Variants in RTKN observed in about 807,000 individuals in gnomAD.
RTKN encodes rhotekin.
Under a neutral mutation model 63.5 loss-of-function variants are expected in RTKN, and 49 were observed. That is an observed-to-expected ratio of 0.77 (90% CI 0.61 to 0.98). RTKN has a LOEUF of 0.98. Among genes scored for constraint, RTKN ranks in the 50% least tolerant of loss-of-function variants. The pLI, the probability that RTKN is intolerant of heterozygous loss-of-function variation, is 0.00. For missense variants in RTKN, 685 were observed against 740.8 expected (o/e 0.92, Z 0.87); for synonymous variants, 295 against 290.4 (o/e 1.02, Z -0.16).
intron 2 of RTKN, 26 bp downstream of exon 2, chr2:74,432,441 C>G: frequency 3.1e-6 from 5 of 1,600,274 alleles, no homozygotes; most frequent in African/African-American, 1.3e-5. Flanking sequence ...CTGCCTCCAT[C>G]GAGGCCTCGT....
chr2:74,430,277 T>C lies in RTKN; in HGVS notation c.520A>G (p.Ile174Val), dbSNP rs1300640282. 2 of 1,613,918 alleles carry C rather than the reference T, an allele frequency of 1.2e-6. No individual in the cohort carries two copies. The highest frequency in any genetic ancestry group is 1.7e-6 in the Non-Finnish European group (2 of 1,179,856). Residue 174 changes from isoleucine to valine, a missense_variant, in exon 5 of 12, where the codon ATC becomes GTC. Physicochemically the swap from Ile to Val is conservative, Grantham distance 29. Coordinates refer to ENST00000272430, the MANE Select transcript of RTKN (RefSeq NM_001015055.2). ...AAGAGCACATTGCTCTGAAAGGAGA[T>C]GTCTGTGAGGGTCCTGTCCACTAGG... The part of the protein sequence containing the change: ...MILVDRTLTD[I>V]SFQSNVLFAE...
chr2:74,435,325 G>C (rs372804728), intron 1 of RTKN, among the ~76,000 whole-genome samples: 1 of 152,230 alleles, frequency 6.6e-6, no homozygotes, highest in South Asian at 2.1e-4. Flanking sequence ...AATGGAAATA[G>C]TCCTAGGGCT....
At chr2:74,433,973 C>T (rs1670911721) in intron 1 of RTKN, among the ~76,000 whole-genome samples, 3 of 152,098 alleles carry the variant, frequency 2.0e-5, no homozygotes, top group Admixed American at 1.3e-4. Context: ...GGTAGTATTG[C>T]ACATACTACC....
chr2:74,432,738 C>T, intron 1 of RTKN, 72 bp from the exon 2 acceptor site: 3 of 1,394,840 alleles, frequency 2.2e-6, no homozygotes, highest in South Asian at 2.4e-5. Context: ...CCCCAGTCCC[C>T]AGGTGGGCTG....
chr2:74,427,402 AC>A (rs1558538558), intron 10 of RTKN, 21 bp downstream of exon 10: 1 of 1,613,630 alleles, frequency 6.2e-7, no homozygotes, highest in East Asian at 2.2e-5. Flanking sequence ...CAAAGGTTCA[AC>A]CCAGCCCCCT....
intron 1 of RTKN, among the ~76,000 whole-genome samples, chr2:74,432,903 G>C (rs570337532): frequency 6.6e-6 from 1 of 152,224 alleles, no homozygotes; most frequent in East Asian, 1.9e-4. Context: ...CTTGAGCCTA[G>C]GAGATCAAGG....
At position 74,430,667 on chromosome 2, in the gene RTKN, T is replaced by C. The variant is rs773885920; in HGVS notation, c.322A>G (p.Ser108Gly). The C allele has an allele frequency of 3.7e-6, 6 of 1,612,438 alleles. No homozygotes were observed. Among genetic ancestry groups the C allele is most frequent in the Non-Finnish European group, 5.1e-6 (6 of 1,179,854 alleles). ...LGKTSRRPSDSGPPAERSPCR... is the reference protein window; with the variant it reads ...LGKTSRRPSDGGPPAERSPCR... ...GGGGAGCGCTCAGCGGGCGGGCCACTGTCAGAAGGCCTGTGGATAAATCAC... is the reference window on the plus strand; with the variant it reads ...GGGGAGCGCTCAGCGGGCGGGCCACCGTCAGAAGGCCTGTGGATAAATCAC... Residue 108 changes from serine (S) to glycine (G), a missense_variant, in exon 3 of 12, where the codon AGT becomes GGT. Transcript: ENST00000272430.
In RTKN at chr2:74,429,890, T is replaced by A; in HGVS notation, c.693A>T (p.Ala231=). Residue 231 remains alanine, a synonymous_variant, in exon 6 of 12, where the codon GCA becomes GCT. Transcript: ENST00000272430. ...CTGAACCCCCAGCACTGTCCAGCGATGCCCGGACACGCCTCCCTGAGGAGC... is the reference window on the plus strand; with the variant it reads ...CTGAACCCCCAGCACTGTCCAGCGAAGCCCGGACACGCCTCCCTGAGGAGC... The part of the protein sequence containing the change: ...LGRSSGRRVR[A]SLDSAGGSGS... 1 of 1,614,160 alleles carries A rather than the reference T, an allele frequency of 6.2e-7. No individual in the cohort carries two copies. Among genetic ancestry groups the A allele is most frequent in the Non-Finnish European group, 8.5e-7 (1 of 1,180,004 alleles).
rs1261470657 is a variant in RTKN at position 74,441,744 on chromosome 2, C to A, written c.73G>T (p.Gly25Cys). 1 of 1,612,010 alleles carries A rather than the reference C, an allele frequency of 6.2e-7. No homozygotes were observed. ...GSALEMEFKR[G>C]RFRLSLFSDL... ...CTGAAGAGGCTGAGTCGGAAGCGGC[C>A]GCGTTTGAACTCCATCTCCAGGGCG... Residue 25 changes from glycine (G) to cysteine (C), a missense_variant, in exon 1 of 12, where the codon GGC becomes TGC. By Grantham distance (159) the Gly-to-Cys change is radical (BLOSUM62 -3). Coordinates refer to ENST00000272430, the MANE Select transcript of RTKN (RefSeq NM_001015055.2).
intron 2 of RTKN, chr2:74,432,188 C>A: frequency 3.4e-6 from 2 of 588,892 alleles, no homozygotes; most frequent in South Asian, 1.8e-5. Flanking sequence ...ACAGACAGGG[C>A]TTAGCAAATT....
intron 1 of RTKN, among the ~76,000 whole-genome samples, chr2:74,438,622 A>G (rs1019689110): frequency 6.6e-6 from 1 of 152,152 alleles, no homozygotes; most frequent in African/African-American, 2.4e-5. Context: ...GCCCCTGCCC[A>G]TCAGCTCCAC....
intron 1 of RTKN, among the ~76,000 whole-genome samples, chr2:74,433,511 C>T (rs1487628984): frequency 3.5e-5 from 5 of 143,378 alleles, no homozygotes; most frequent in South Asian, 2.2e-4. Context: ...TTTTTTGAGA[C>T]GGAGTCTCGC....
At chr2:74,439,787 G>C in intron 1 of RTKN, 2 of 1,445,984 alleles carry the variant, frequency 1.4e-6, no homozygotes, top group Middle Eastern at 1.9e-4. Context: ...CTGCACTCCT[G>C]TTAAACCCCT....
rs1291889702 is a variant in RTKN, at chr2:74,432,581, T to C, written c.197A>G (p.Glu66Gly). 1 of 1,613,926 alleles carries C rather than the reference T, an allele frequency of 6.2e-7. No homozygotes were observed. ...GCTCTTGGTGGCCTCCAGAGCCTGCTCTCGCTGGGAGCAGGCTGCCAGCAG... is the reference window on the plus strand; with the variant it reads ...GCTCTTGGTGGCCTCCAGAGCCTGCCCTCGCTGGGAGCAGGCTGCCAGCAG... Reference protein sequence around the residue: ...CKLLAACSQREQALEATKSLL... With the variant: ...CKLLAACSQRGQALEATKSLL... The change falls in exon 2 of 12, where the codon GAG (glutamate) becomes GGG (glycine). Residue 66 changes from glutamate to glycine, a missense_variant. Transcript: ENST00000272430.
intron 2 of RTKN, chr2:74,430,901 A>G (rs920047004): frequency 5.3e-6 from 3 of 569,166 alleles, no homozygotes; most frequent in South Asian, 4.4e-5. Context: ...TAACTCACAC[A>G]TAAGGCACAA....
intron 1 of RTKN, chr2:74,440,127 C>T (rs902364567): frequency 1.9e-5 from 9 of 477,608 alleles, no homozygotes; most frequent in Non-Finnish European, 2.5e-5. Flanking sequence ...ACGCCTCATG[C>T]AGGTTCTAGA....
At chr2:74,434,051 G>T (rs1670917956) in intron 1 of RTKN, among the ~76,000 whole-genome samples, 1 of 151,856 alleles carries the variant, frequency 6.6e-6, no homozygotes, top group African/African-American at 2.4e-5. Context: ...GCATGTTTAT[G>T]CATAAAATAT....
chr2:74,429,721 A>C, intron 6 of RTKN, 107 bp downstream of exon 6: 1 of 1,067,366 alleles, frequency 9.4e-7, no homozygotes, highest in Non-Finnish European at 1.4e-6. Flanking sequence ...CTGTCTGCAC[A>C]TCCTGGCAGC....
intron 5 of RTKN, 42 bp downstream of exon 5, chr2:74,430,210 G>A (rs754513588): frequency 6.3e-7 from 1 of 1,576,946 alleles, no homozygotes; most frequent in South Asian, 1.1e-5. Context: ...CAGAACTGGA[G>A]CAGAGTGGAG....
Sources: allele counts gnomAD v4.1 joint callset (sites outside exome capture counted in the v4.1 genomes callset), GRCh38; gene constraint gnomAD v4.1.1; transcripts MANE v1.5; gene names NCBI Gene and HGNC (gene_info 2026-07-23, HGNC 2026-07-21).